The following SPA17 variants were observed in gnomAD, a reference collection of about 807,000 sequenced individuals.
The protein encoded by SPA17 is sperm surface protein Sp17.
Under a neutral mutation model 13.8 loss-of-function variants are expected in SPA17, and 7 were observed. The ratio of observed to expected loss-of-function variants is 0.51; its 90% CI spans 0.29 to 0.95. SPA17 has a LOEUF of 0.95. SPA17 is among the 40% of genes least tolerant of loss of function. SPA17 has a pLI of 0.08. For missense variants in SPA17, 170 were observed against 179.3 expected, an observed-to-expected ratio of 0.95 and a Z score of 0.30; for synonymous variants, 61 against 59.0, an observed-to-expected ratio of 1.03 and a Z score of -0.16.
chr11:124,694,500 T>C lies in SPA17; in HGVS notation c.*54T>C. ...GAAAAATAATCCAAATCCATCAACC[T>C]TCTTATTAATGTCATTTCTTCCTGA... On this transcript the variant is annotated 3_prime_UTR_variant, in exon 5 of 5. Coordinates refer to ENST00000227135, the MANE Select transcript of SPA17 (RefSeq NM_017425.4). 1 of 1,543,666 alleles carries C rather than the reference T, an allele frequency of 6.5e-7. No individual in the cohort carries two copies. The highest frequency in any genetic ancestry group is 1.2e-5 in the South Asian group (1 of 80,578).
chr11:124,689,077 CAATA>C (rs1403379244), intron 3 of SPA17, among the ~76,000 whole-genome samples: 49 of 152,164 alleles, frequency 3.2e-4, no homozygotes, highest in African/African-American at 1.2e-3. Context: ...ACATCCTCTT[CAATA>C]AATAGTGCTA....
intron 4 of SPA17, among the ~76,000 whole-genome samples, chr11:124,693,041 C>T (rs1347180178): frequency 6.6e-6 from 1 of 152,164 alleles, no homozygotes; most frequent in Admixed American, 6.6e-5. Flanking sequence ...GGAAGATTAA[C>T]ATTAAGATGT....
intron 3 of SPA17, among the ~76,000 whole-genome samples, chr11:124,686,658 AAC>A (rs1943581417): frequency 6.6e-6 from 1 of 152,258 alleles, no homozygotes; most frequent in African/African-American, 2.4e-5. Context: ...AAATGATACA[AAC>A]ACATGGAAAT....
At chr11:124,676,121 A>T (rs1190902617) in intron 2 of SPA17, 1 of 152,196 alleles carries the variant, frequency 6.6e-6, no homozygotes, top group African/African-American at 2.4e-5. Flanking sequence ...AAGGTTTATG[A>T]CTGTCAGGAC....
chr11:124,692,832 C>T (rs1035667091), intron 4 of SPA17, among the ~76,000 whole-genome samples: 12 of 152,120 alleles, frequency 7.9e-5, no homozygotes, highest in African/African-American at 2.4e-4. Context: ...TCTAAAATGT[C>T]GAAGTTCAAA....
At chr11:124,686,177 A>C in intron 3 of SPA17, among the ~76,000 whole-genome samples, 1 of 73,536 alleles carries the variant, frequency 1.4e-5, no homozygotes. Context: ...CGTGGAGGTA[A>C]TGGAATCATG....
intron 3 of SPA17, among the ~76,000 whole-genome samples, chr11:124,684,490 G>GATCT (rs1182434944): frequency 6.6e-6 from 1 of 152,110 alleles, no homozygotes; most frequent in African/African-American, 2.4e-5. Context: ...GGCCTCAAGT[G>GATCT]ATCTACCCAC....
chr11:124,689,141 C>T (rs555978752), intron 3 of SPA17, among the ~76,000 whole-genome samples: 1 of 152,056 alleles, frequency 6.6e-6, no homozygotes, highest in Non-Finnish European at 1.5e-5. Context: ...CCCCTATCTC[C>T]CATCATACAC....
chr11:124,682,118 G>T lies in SPA17; in HGVS notation c.225+659G>T, dbSNP rs190160867. Among the ~76,000 whole-genome samples the T allele has an allele frequency of 2.0e-5, 3 of 152,218 alleles. No individual in the cohort carries two copies. The East Asian group carries it at 5.8e-4, about 29-fold the overall frequency. ...AAGCCCTAAACCAAAGGCACTAATTGCATGTAAGGAATCAGTGTCCTGATT... is the reference window on the plus strand; with the variant it reads ...AAGCCCTAAACCAAAGGCACTAATTTCATGTAAGGAATCAGTGTCCTGATT... On this transcript the variant is annotated intron_variant, in intron 3 of 4. Transcript: ENST00000227135.
rs528551015 is a variant in SPA17, at chr11:124,689,186, A to G, written c.226-2510A>G. ...CCCATCATGGATTAAAGACTTAAACATAAGACCTAAAACTGTAAAAATACT... is the reference window on the plus strand; with the variant it reads ...CCCATCATGGATTAAAGACTTAAACGTAAGACCTAAAACTGTAAAAATACT... On this transcript the variant is annotated intron_variant, in intron 3 of 4. Coordinates refer to ENST00000227135, the MANE Select transcript of SPA17 (RefSeq NM_017425.4). Among the ~76,000 whole-genome samples the G allele has an allele frequency of 2.6e-5, 4 of 152,314 alleles. No individual in the cohort carries two copies. The South Asian group carries it at 6.2e-4, about 24-fold the overall frequency.
At chr11:124,684,053 G>A (rs1943553548) in intron 3 of SPA17, among the ~76,000 whole-genome samples, 1 of 152,090 alleles carries the variant, frequency 6.6e-6, no homozygotes, top group African/African-American at 2.4e-5. Flanking sequence ...TGAATCATGG[G>A]GGATGATGGT....
At chr11:124,692,397 G>A (rs747368907) in intron 4 of SPA17, among the ~76,000 whole-genome samples, 4 of 151,962 alleles carry the variant, frequency 2.6e-5, no homozygotes, top group South Asian at 2.1e-4. Flanking sequence ...TGGCTAACAC[G>A]GTGAAACCCC....
chr11:124,686,506 A>T (rs946827988), intron 3 of SPA17, among the ~76,000 whole-genome samples: 6 of 152,370 alleles, frequency 3.9e-5, no homozygotes, highest in African/African-American at 1.2e-4. Flanking sequence ...TCATCAGCAC[A>T]TGGAACATTC....
In SPA17 at chr11:124,676,903, A is replaced by G. The variant is rs184858727; in HGVS notation, c.154+1485A>G. ...CCCTTGAACCTAAAATAAAAGTTGGAAGGGGAAAAAACTAAAATTATTTGG... is the reference window on the plus strand; with the variant it reads ...CCCTTGAACCTAAAATAAAAGTTGGGAGGGGAAAAAACTAAAATTATTTGG... On this transcript the variant is annotated intron_variant, in intron 2 of 4. Transcript: ENST00000227135. Among the ~76,000 whole-genome samples the G allele has an allele frequency of 1.1e-4, 17 of 152,344 alleles. No individual in the cohort carries two copies. The East Asian group carries it at 3.3e-3, about 29-fold the overall frequency.
At chr11:124,680,479 G>T (rs1375892958) in intron 2 of SPA17, among the ~76,000 whole-genome samples, 2 of 152,170 alleles carry the variant, frequency 1.3e-5, no homozygotes, top group Admixed American at 1.3e-4. Context: ...AAGAATAGGG[G>T]CTGGGGGCTC....
In SPA17 at chr11:124,673,925, C is replaced by T. The variant is rs1027956230; in HGVS notation, c.-55C>T. ...CAGCAACTAGAAAAACAACCGGAAC[C>T]GGCGGCACCAGCTCGGAGAGAAAGG... On this transcript the variant is annotated 5_prime_UTR_variant, in exon 1 of 5. Coordinates refer to ENST00000227135, the MANE Select transcript of SPA17 (RefSeq NM_017425.4). 1 of 589,608 alleles carries T rather than the reference C, an allele frequency of 1.7e-6. No homozygotes were observed. The highest frequency in any genetic ancestry group is 3.0e-6 in the Non-Finnish European group (1 of 333,290). The allele number at this position is 589,608 out of a possible 1,614,324, so 36.5% of individuals were successfully genotyped here. A position where few individuals can be genotyped will look rare whatever the true frequency, so the allele number is the denominator to read the frequency against.
rs1371659204 is a variant in SPA17 at position 124,684,723 on chromosome 11, C to G, written c.225+3264C>G. 3.3e-5 allele frequency among the ~76,000 whole-genome samples: 5 copies of G among 152,254 alleles called. No homozygotes were observed. The East Asian group carries it at 9.7e-4, about 29-fold the overall frequency. The stretch of plus-strand genomic sequence containing the variant: ...AACTTCCTAGAGACTTGTTGAATGG[C>G]TTTGACCAAAATGCTGATAGTGATA... On this transcript the variant is annotated intron_variant, in intron 3 of 4. Coordinates refer to ENST00000227135, the MANE Select transcript of SPA17 (RefSeq NM_017425.4).
chr11:124,679,754 C>T (rs918020294), intron 2 of SPA17, among the ~76,000 whole-genome samples: 1 of 152,148 alleles, frequency 6.6e-6, no homozygotes, highest in Non-Finnish European at 1.5e-5. Context: ...AACGTCTTGC[C>T]ATACCAGAGA....
intron 3 of SPA17, 56 bp downstream of exon 3, chr11:124,681,515 G>A: frequency 7.4e-7 from 1 of 1,342,516 alleles, no homozygotes; most frequent in African/African-American, 1.5e-5. Context: ...TCTACAGCTA[G>A]CAATTATTAG....
Sources: gnomAD v4.1 joint callset for allele counts (sites outside exome capture counted in the v4.1 genomes callset) on GRCh38, gnomAD v4.1.1 for gene constraint, MANE v1.5 for transcripts, NCBI Gene and HGNC (gene_info 2026-07-23, HGNC 2026-07-21) for gene names.